AGAP1: variants seen among roughly 807,000 people sequenced by gnomAD.
AGAP1 encodes ArfGAP with GTPase domain, ankyrin repeat and PH domain 1.
A neutral mutation model predicts 105.3 loss-of-function variants in AGAP1; 29 were observed. The observed-to-expected ratio is 0.28, with a 90% confidence interval of 0.21 to 0.38. The LOEUF is 0.38. AGAP1 is among the 10% of genes least tolerant of loss of function. The pLI, the probability that AGAP1 is intolerant of heterozygous loss-of-function variation, is 1.00. For missense variants in AGAP1, 998 were observed against 1,165.1 expected (o/e 0.86, Z 2.09); for synonymous variants, 509 against 485.9 (o/e 1.05, Z -0.63).
chr2:235,711,595 T>C (rs767844374), intron 2 of AGAP1, among the ~76,000 whole-genome samples: 1 of 152,208 alleles, frequency 6.6e-6, no homozygotes, highest in Non-Finnish European at 1.5e-5. Context: ...GTCCTGTCCC[T>C]GGCCTGAGTG....
At chr2:235,669,614 A>G (rs112255803) in intron 1 of AGAP1, 1 of 142,908 alleles carries the variant, frequency 7.0e-6, no homozygotes, top group Non-Finnish European at 1.5e-5. Context: ...GCGCGTTTCC[A>G]TTTTAAACCG....
In AGAP1 at chr2:236,073,382, A is replaced by C. The variant is rs537705139; in HGVS notation, c.2114+24101A>C. On this transcript the variant is annotated intron_variant, in intron 16 of 17. Transcript: ENST00000304032. This position sits in a 1 kb window ranked among gnomAD's most constrained non-coding sequence, Gnocchi z 5.4. The stretch of plus-strand genomic sequence containing the variant: ...CATTAGGACTAGCCACGTTTCAAGC[A>C]TCTGATGGCCACATGTGGCCCATGT... 2.6e-5 allele frequency among the ~76,000 whole-genome samples: 4 copies of C among 152,292 alleles called. No individual in the cohort carries two copies. Among genetic ancestry groups the C allele is most frequent in the African/African-American group, 9.6e-5 (4 of 41,568 alleles).
rs1174684576 is a variant in AGAP1, at chr2:235,557,873, A to G, written c.163+63024A>G. Among the ~76,000 whole-genome samples the G allele has an allele frequency of 6.6e-6, 1 of 152,244 alleles. No homozygotes were observed. The highest frequency in any genetic ancestry group is 1.5e-5 in the Non-Finnish European group (1 of 68,044). ...AGTTAACTGTTGATGCTTAAATGAC[A>G]TTTGAGGAACCTATTGGTGCTTTCT... is the stretch of plus-strand genomic sequence containing the variant. On this transcript the variant is annotated intron_variant, in intron 1 of 17. Transcript: ENST00000304032. The surrounding 1 kb of genome is among the most constrained non-coding windows in gnomAD (Gnocchi z 4.7).
intron 1 of AGAP1, among the ~76,000 whole-genome samples, chr2:235,679,905 G>A (rs189874680): frequency 3.3e-5 from 5 of 152,338 alleles, no homozygotes; most frequent in African/African-American, 4.8e-5. Flanking sequence ...GGTGAATTCC[G>A]TATTTTCAAA....
rs571848300 is a variant in AGAP1, at chr2:235,728,215, A to C, written c.310+10571A>C. 6.6e-6 allele frequency among the ~76,000 whole-genome samples: 1 copy of C among 152,210 alleles called. No individual in the cohort carries two copies. The highest frequency in any genetic ancestry group is 1.9e-4 in the East Asian group (1 of 5,172). On this transcript the variant is annotated intron_variant, in intron 3 of 17. Transcript: ENST00000304032. This position sits in a 1 kb window ranked among gnomAD's most constrained non-coding sequence, Gnocchi z 4.3. ...AAGAATTACATCAGGAGAATCTGAG[A>C]TGTAGTGAAAGTGCCCCCAAGCTCC...
At position 235,737,193 on chromosome 2, in the gene AGAP1, G is replaced by A. The variant is rs1284587734; in HGVS notation, c.311-3770G>A. Among the ~76,000 whole-genome samples, 1 of 152,140 alleles carries A rather than the reference G, an allele frequency of 6.6e-6. No homozygotes were observed. Among genetic ancestry groups the A allele is most frequent in the Non-Finnish European group, 1.5e-5 (1 of 68,030 alleles). ...AACCTGGCTGCTGGAGCACCTGGCT[G>A]AATTTTATCTTATTATTCACCTTTG... On this transcript the variant is annotated intron_variant, in intron 3 of 17. Coordinates refer to ENST00000304032, the MANE Select transcript of AGAP1 (RefSeq NM_001037131.3). This position sits in a 1 kb window ranked among gnomAD's most constrained non-coding sequence, Gnocchi z 4.5.
intron 1 of AGAP1, among the ~76,000 whole-genome samples, chr2:235,585,121 T>G (rs2149198259): frequency 6.6e-6 from 1 of 152,258 alleles, no homozygotes; most frequent in East Asian, 1.9e-4. Context: ...GATTCATTTC[T>G]TATCGCTGTT....
rs2149127946 is a variant in AGAP1 at position 235,557,267 on chromosome 2, G to C, written c.163+62418G>C. Among the ~76,000 whole-genome samples, 1 of 152,248 alleles carries C rather than the reference G, an allele frequency of 6.6e-6. No individual in the cohort carries two copies. The highest frequency in any genetic ancestry group is 2.1e-4 in the South Asian group (1 of 4,828). ...TGGAACTGAGCTGGGCTGGCCATGG[G>C]GATGCTCAGAGCCCGGCTCTTTCAT... On this transcript the variant is annotated intron_variant, in intron 1 of 17. Coordinates refer to ENST00000304032, the MANE Select transcript of AGAP1 (RefSeq NM_001037131.3). The surrounding 1 kb of genome is among the most constrained non-coding windows in gnomAD (Gnocchi z 4.7).
chr2:235,558,210 G>A (rs1343205495), intron 1 of AGAP1, among the ~76,000 whole-genome samples: 1 of 150,602 alleles, frequency 6.6e-6, no homozygotes, highest in Non-Finnish European at 1.5e-5. Flanking sequence ...GTGTGTAGAG[G>A]TGGGTGGGAT....
chr2:235,523,113 CTG>C (rs753491814), intron 1 of AGAP1, among the ~76,000 whole-genome samples: 19 of 151,556 alleles, frequency 1.3e-4, no homozygotes, highest in Middle Eastern at 3.2e-3. Context: ...TGCCTTCTCG[CTG>C]TGGCCTCTCA....
chr2:235,845,425 T>C lies in AGAP1; in HGVS notation c.1051-37920T>C, dbSNP rs1369033935. ...AAAATCATATGATACCCTGAGTTCCTGAGTCAGCAAACGGAATGGGGGAAT... is the reference window on the plus strand; with the variant it reads ...AAAATCATATGATACCCTGAGTTCCCGAGTCAGCAAACGGAATGGGGGAAT... On this transcript the variant is annotated intron_variant, in intron 9 of 17. Transcript: ENST00000304032. The surrounding 1 kb of genome is among the most constrained non-coding windows in gnomAD (Gnocchi z 4.8). Among the ~76,000 whole-genome samples, 1 of 151,934 alleles carries C rather than the reference T, an allele frequency of 6.6e-6. No individual in the cohort carries two copies. Among genetic ancestry groups the C allele is most frequent in the Non-Finnish European group, 1.5e-5 (1 of 68,008 alleles).
intron 16 of AGAP1, among the ~76,000 whole-genome samples, chr2:236,107,835 G>T (rs1199126248): frequency 1.3e-5 from 2 of 152,214 alleles, no homozygotes; most frequent in African/African-American, 2.4e-5. Flanking sequence ...CTGCGGCCGG[G>T]CACATTTAAC....
At chr2:235,841,348 G>A (rs527678375) in intron 9 of AGAP1, among the ~76,000 whole-genome samples, 60 of 152,282 alleles carry the variant, frequency 3.9e-4, no homozygotes, top group African/African-American at 1.2e-3. Flanking sequence ...AGTAGCTTAC[G>A]GGCCTGATGC....
Position 235,671,128 on chromosome 2 carries a change from A to G in AGAP1, c.164-38051A>G, listed in dbSNP as rs532254333. The G allele has an allele frequency of 9.7e-6, 12 of 1,234,280 alleles. No individual in the cohort carries two copies. In the African/African-American group the frequency reaches 1.1e-4, roughly 11 times the overall value. 76.5% of individuals were successfully genotyped at this position (1,234,280 alleles called of 1,614,324 possible). A position where few individuals can be genotyped will look rare whatever the true frequency, so the allele number is the denominator to read the frequency against. ...GGGACTTGCCGGTTCCGCAGCGGCT[A>G]TGGGACCCGCCCTCCCGGGTCGGGA... is the stretch of plus-strand genomic sequence containing the variant. On this transcript the variant is annotated intron_variant, in intron 1 of 17. Transcript: ENST00000304032.
At position 235,933,595 on chromosome 2, in the gene AGAP1, C is replaced by T. The variant is rs569499630; in HGVS notation, c.1483+2672C>T. On this transcript the variant is annotated intron_variant, in intron 12 of 17. Transcript: ENST00000304032. Reference sequence around the variant, plus strand: ...ATTGGCAGGCTGGAGTGCAGTGGCGCGACCCCGGCTCACTGCAACCTCCGC... The same window carrying T: ...ATTGGCAGGCTGGAGTGCAGTGGCGTGACCCCGGCTCACTGCAACCTCCGC... Among the ~76,000 whole-genome samples the T allele has an allele frequency of 2.8e-3, 413 of 148,316 alleles. 4 individuals carry two copies. Among genetic ancestry groups the T allele is most frequent in the African/African-American group, 9.5e-3 (383 of 40,302 alleles).
At position 235,621,908 on chromosome 2, in the gene AGAP1, CA is replaced by C. The variant is rs1215535174; in HGVS notation, c.164-87270del. Among the ~76,000 whole-genome samples, 1 of 151,948 alleles carries C rather than the reference CA, an allele frequency of 6.6e-6. No homozygotes were observed. The highest frequency in any genetic ancestry group is 1.9e-4 in the East Asian group (1 of 5,168). ...GAAGGGAGTGCCGCGCAGACCCCCCCACCCCCTCAGAACAGCGGCCACTGTG... is the reference window on the plus strand; with the variant it reads ...GAAGGGAGTGCCGCGCAGACCCCCCCCCCCCTCAGAACAGCGGCCACTGTG... On this transcript the variant is annotated intron_variant, in intron 1 of 17. Coordinates refer to ENST00000304032, the MANE Select transcript of AGAP1 (RefSeq NM_001037131.3). The surrounding 1 kb of genome is among the most constrained non-coding windows in gnomAD (Gnocchi z 4.1).
At chr2:235,925,683 G>A (rs2052411834) in intron 11 of AGAP1, among the ~76,000 whole-genome samples, 1 of 152,238 alleles carries the variant, frequency 6.6e-6, no homozygotes, top group African/African-American at 2.4e-5. Context: ...AGAGCTTGGT[G>A]TCTTTGTTGA....
At chr2:235,515,662 T>C (rs3795899) in intron 1 of AGAP1, among the ~76,000 whole-genome samples, 27,781 of 152,196 alleles carry the variant, frequency 0.18, 2,817 homozygotes, top group East Asian at 0.32. Flanking sequence ...TTCTGCAGCC[T>C]TTAAAAGAGA....
At chr2:235,618,015 C>T (rs1232270472) in intron 1 of AGAP1, among the ~76,000 whole-genome samples, 5 of 152,028 alleles carry the variant, frequency 3.3e-5, no homozygotes, top group African/African-American at 9.7e-5. Context: ...CGTGGAGCAT[C>T]AACCAAGAGG....
Sources: gnomAD v4.1 joint callset for allele counts (sites outside exome capture counted in the v4.1 genomes callset) on GRCh38, gnomAD v4.1.1 for gene constraint, Gnocchi (gnomAD v3.1) non-coding constraint, MANE v1.5 for transcripts, NCBI Gene and HGNC (gene_info 2026-07-23, HGNC 2026-07-21) for gene names.